Variants in ATP8B1 observed in about 807,000 individuals in gnomAD.
ATP8B1 encodes phospholipid-transporting ATPase IC.
A neutral mutation model predicts 149.9 loss-of-function variants in ATP8B1; 80 were observed. The ratio of observed to expected loss-of-function variants is 0.53; its 90% confidence interval spans 0.45 to 0.64. The LOEUF is 0.64. Among genes scored for constraint, ATP8B1 ranks in the 30% least tolerant of loss-of-function variants. The pLI is 0.00. For missense variants in ATP8B1, 1,247 were observed against 1,552.6 expected, an observed-to-expected ratio of 0.80 and a Z score of 3.31; for synonymous variants, 536 against 562.8, an observed-to-expected ratio of 0.95 and a Z score of 0.67.
intron 1 of ATP8B1, chr18:57,737,641 A>G (rs1030272616): frequency 2.6e-5 from 4 of 151,940 alleles, no homozygotes; most frequent in African/African-American, 4.8e-5. Context: ...CCGGGCCCCA[A>G]GCAATCCTCC....
chr18:57,775,068 C>T (rs544488037), intron 1 of ATP8B1, among the ~76,000 whole-genome samples: 4 of 149,352 alleles, frequency 2.7e-5, no homozygotes, highest in African/African-American at 9.8e-5. Context: ...AATCCCAACA[C>T]TTTGGGAGGC....
rs1446076295 is a variant in ATP8B1 at position 57,803,119 on chromosome 18, G to C, written c.-147C>G. On this transcript the variant is annotated 5_prime_UTR_variant, in exon 1 of 28. Transcript: ENST00000648908. The stretch of plus-strand genomic sequence containing the variant: ...CAGCCCTGGCCGCCGCGCTAGCGCT[G>C]CATGGCGCACGGGGGCTGGCCGGGG... 1.3e-5 allele frequency: 2 copies of C among 151,926 alleles called. No individual in the cohort carries two copies. The highest frequency in any genetic ancestry group is 2.9e-5 in the Non-Finnish European group (2 of 68,026). The allele number at this position is 151,926 out of a possible 1,614,324, so 9.4% of individuals were successfully genotyped here.
In ATP8B1 at chr18:57,655,343, G is replaced by C. The variant is rs765836791; in HGVS notation, c.2782C>G (p.Gln928Glu). ...AVMSSDYSFA[Q>E]FRYLQRLLLV... is the part of the protein sequence containing the mutation. ...AGTAGCCTCTGCAGATATCGGAACT[G>C]AGCAAAGGAATAGTCACTCGACATG... Residue 928 changes from glutamine (Q) to glutamate (E), a missense_variant, in exon 23 of 28, where the codon CAG (glutamine) becomes GAG (glutamate). By Grantham distance (29) the Gln-to-Glu change is conservative. Transcript: ENST00000648908. 6.2e-7 allele frequency: 1 copy of C among 1,614,236 alleles called. No individual in the cohort carries two copies. Among genetic ancestry groups the C allele is most frequent in the Non-Finnish European group, 8.5e-7 (1 of 1,180,052 alleles).
chr18:57,719,981 G>A (rs1332901709), intron 2 of ATP8B1, among the ~76,000 whole-genome samples: 1 of 151,988 alleles, frequency 6.6e-6, no homozygotes, highest in Non-Finnish European at 1.5e-5. Flanking sequence ...CCCCAGCAGG[G>A]GCACACTGAC....
chr18:57,672,919 T>TACAC (rs1568189334), intron 16 of ATP8B1, among the ~76,000 whole-genome samples: 5,250 of 55,426 alleles, frequency 0.095, 452 homozygotes, highest in Middle Eastern at 0.14. Context: ...TATATATATA[T>TACAC]ATATATATAT....
chr18:57,655,162 A>C, intron 23 of ATP8B1, 32 bp downstream of exon 23: 2 of 1,538,908 alleles, frequency 1.3e-6, no homozygotes, highest in Non-Finnish European at 1.8e-6. Flanking sequence ...AGCTCTACTT[A>C]GTAAATAACA....
intron 2 of ATP8B1, among the ~76,000 whole-genome samples, chr18:57,729,242 C>T (rs892735122): frequency 1.1e-4 from 16 of 152,126 alleles, no homozygotes; most frequent in Admixed American, 3.3e-4. Flanking sequence ...CGTCTGATGG[C>T]GTGCCACCAA....
At chr18:57,792,456 C>T (rs1677598027) in intron 1 of ATP8B1, among the ~76,000 whole-genome samples, 2 of 151,988 alleles carry the variant, frequency 1.3e-5, no homozygotes, top group Non-Finnish European at 2.9e-5. Context: ...CCGTAATATA[C>T]ATGAAAAACA....
In ATP8B1 at chr18:57,691,863, A is replaced by G. The variant is rs762225713; in HGVS notation, c.1164T>C (p.Ile388=). The stretch of plus-strand genomic sequence containing the variant: ...TGAGAACAATGATATAGCCCCAGAA[A>G]ATGAGGAATCCACGGTAGGAGGGTG... ...DDTPSYRGFL[I]FWGYIIVLNT... is the part of the protein sequence containing the mutation. Residue 388 remains isoleucine (I), a synonymous_variant, in exon 12 of 28, where the codon ATT becomes ATC. Transcript: ENST00000648908. 6 of 1,614,050 alleles carry G rather than the reference A, an allele frequency of 3.7e-6. No homozygotes were observed. The highest frequency in any genetic ancestry group is 5.1e-6 in the Non-Finnish European group (6 of 1,180,028).
intron 1 of ATP8B1, among the ~76,000 whole-genome samples, chr18:57,737,522 G>A (rs2123185135): frequency 6.6e-6 from 1 of 151,464 alleles, no homozygotes; most frequent in South Asian, 2.1e-4. Flanking sequence ...CTAGTAACTA[G>A]GACTAGAAGC....
rs756826592 is a variant in ATP8B1, at chr18:57,766,723, C to A, written c.-25-34891G>T. On this transcript the variant is annotated intron_variant, in intron 1 of 27. Transcript: ENST00000648908. ...CCAGTGCTGCCGGTACAGGGACCAC[C>A]CTTTAAGAAGCTCTAGGGCAGGAGG... Among the ~76,000 whole-genome samples, 11 of 152,142 alleles carry A rather than the reference C, an allele frequency of 7.2e-5. 1 individual carries two copies. Among genetic ancestry groups the A allele is most frequent in the Admixed American group, 1.3e-4 (2 of 15,262 alleles).
intron 11 of ATP8B1, 149 bp from the exon 12 acceptor site, chr18:57,692,146 A>G: frequency 2.3e-6 from 3 of 1,282,920 alleles, no homozygotes; most frequent in Non-Finnish European, 3.2e-6. Flanking sequence ...AAACAGCACT[A>G]TCATAACGCT....
chr18:57,794,955 G>A (rs1019684778), intron 1 of ATP8B1, among the ~76,000 whole-genome samples: 1 of 152,118 alleles, frequency 6.6e-6, no homozygotes, highest in African/African-American at 2.4e-5. Context: ...CTACTCTGGA[G>A]GAAAGCATGG....
chr18:57,668,425 T>C lies in ATP8B1; in HGVS notation c.2209+4A>G. On this transcript the variant is annotated splice_donor_region_variant and intron_variant, in intron 19 of 27. Transcript: ENST00000648908. Reference sequence around the variant, plus strand: ...CAGATATGCTTCCCTGCACAATGAATTACCCTTTTTGTCTCCAGTAAGCAC... The same window carrying C: ...CAGATATGCTTCCCTGCACAATGAACTACCCTTTTTGTCTCCAGTAAGCAC... 1 of 1,593,330 alleles carries C rather than the reference T, an allele frequency of 6.3e-7. No individual in the cohort carries two copies. The highest frequency in any genetic ancestry group is 8.6e-7 in the Non-Finnish European group (1 of 1,161,190).
intron 3 of ATP8B1, among the ~76,000 whole-genome samples, chr18:57,705,375 A>G (rs1451319684): frequency 6.6e-6 from 1 of 152,240 alleles, no homozygotes; most frequent in African/African-American, 2.4e-5. Flanking sequence ...AGTGGGTTGC[A>G]TTGTGTCCTG....
At chr18:57,702,857 CA>C (rs34058171) in intron 4 of ATP8B1, among the ~76,000 whole-genome samples, 59,585 of 124,816 alleles carry the variant, frequency 0.48, 12,506 homozygotes, top group African/African-American at 0.57. Context: ...AACTCCATCT[CA>C]AAAAAAAAAA....
Position 57,773,542 on chromosome 18 carries a change from A to G in ATP8B1, c.-26+29456T>C, listed in dbSNP as rs549443293. 2.6e-5 allele frequency among the ~76,000 whole-genome samples: 4 copies of G among 152,288 alleles called. No individual in the cohort carries two copies. In the South Asian group the frequency reaches 8.3e-4, roughly 32 times the overall value. ...TATTTGGCCCTGACATTCTATACGCACTTATTAGCATTTTATTCAAGAAGA... is the reference window on the plus strand; with the variant it reads ...TATTTGGCCCTGACATTCTATACGCGCTTATTAGCATTTTATTCAAGAAGA... On this transcript the variant is annotated intron_variant, in intron 1 of 27. Coordinates refer to ENST00000648908, the MANE Select transcript of ATP8B1 (RefSeq NM_001374385.1).
intron 1 of ATP8B1, among the ~76,000 whole-genome samples, chr18:57,796,233 G>A (rs1352892336): frequency 2.0e-5 from 3 of 152,140 alleles, no homozygotes; most frequent in Admixed American, 2.0e-4. Context: ...AAGATCATAA[G>A]GAACCTCTCC....
At chr18:57,672,926 ATATAT>A (rs1568189386) in intron 16 of ATP8B1, among the ~76,000 whole-genome samples, 1,042 of 46,566 alleles carry the variant, frequency 0.022, 78 homozygotes, top group Middle Eastern at 0.049. Context: ...ATATATATAT[ATATAT>A]AACATGTATA....
Sources: gnomAD v4.1 joint callset for allele counts (sites outside exome capture counted in the v4.1 genomes callset) on GRCh38, gnomAD v4.1.1 for gene constraint, MANE v1.5 for transcripts, NCBI Gene and HGNC (gene_info 2026-07-23, HGNC 2026-07-21) for gene names.